HAUS6: variants seen among roughly 807,000 people sequenced by gnomAD.
The protein encoded by HAUS6 is HAUS augmin like complex subunit 6.
A neutral mutation model predicts 106.8 loss-of-function variants in HAUS6; 80 were observed. The observed-to-expected ratio is 0.75, with a 90% CI of 0.63 to 0.90. The LOEUF is 0.90. Ranked by LOEUF, HAUS6 falls within the 40% of genes least tolerant of loss-of-function variation. The pLI, the probability that HAUS6 is intolerant of heterozygous loss-of-function variation, is 0.00. For synonymous variants in HAUS6, 356 were observed against 379.1 expected (o/e 0.94, Z 0.71); for missense variants, 1,155 against 1,118.1 (o/e 1.03, Z -0.47).
rs202116273 is a variant in HAUS6 at position 19,094,323 on chromosome 9, C to T, written c.297G>A (p.Arg99=). Residue 99 remains arginine, a synonymous_variant, in exon 3 of 17, where the codon AGG becomes AGA. Coordinates refer to ENST00000380502, the MANE Select transcript of HAUS6 (RefSeq NM_017645.5). ...FRKHCCEWIK[R]ISGECGSSFP... is the part of the protein sequence containing the mutation. ...TAACAAAAAGAATACTTACAGAAAT[C>T]CTTTTTATCCATTCACAGCAATGTT... The T allele has an allele frequency of 5.7e-6, 9 of 1,573,514 alleles. No individual in the cohort carries two copies. The Admixed American group carries it at 8.6e-5, about 15-fold the overall frequency.
In HAUS6 at chr9:19,058,775, A is replaced by G. The variant is rs780313339; in HGVS notation, c.1992T>C (p.Cys664=). 3.7e-6 allele frequency: 6 copies of G among 1,614,116 alleles called. No individual in the cohort carries two copies. The Admixed American group carries it at 5.0e-5, about 13-fold the overall frequency. Reference sequence around the variant, plus strand: ...TGGTCAGCACATGTTTCTGAGGCACACACTCGCAATCTGAAATAACTTTCT... The same window carrying G: ...TGGTCAGCACATGTTTCTGAGGCACGCACTCGCAATCTGAAATAACTTTCT... ...TEEKVISDCE[C]VPQKHVLTSH... is the part of the protein sequence containing the mutation. Residue 664 remains cysteine, a synonymous_variant, in exon 16 of 17, where the codon TGT becomes TGC. Transcript: ENST00000380502.
intron 9 of HAUS6, among the ~76,000 whole-genome samples, chr9:19,078,847 A>T (rs10963940): frequency 0.014 from 688 of 48,784 alleles, 1 homozygote; most frequent in African/African-American, 0.1. Context: ...AATTAGTTTA[A>T]AAAAAAAAAA....
intron 1 of HAUS6, among the ~76,000 whole-genome samples, chr9:19,100,116 C>T (rs1328593399): frequency 6.6e-6 from 1 of 152,138 alleles, no homozygotes; most frequent in Non-Finnish European, 1.5e-5. Context: ...ATTGCTTGAA[C>T]CAGGGAGGCG....
intron 10 of HAUS6, 105 bp from the exon 11 acceptor site, chr9:19,076,809 CA>C (rs1289801761): frequency 1.6e-6 from 1 of 632,428 alleles, no homozygotes; most frequent in African/African-American, 1.9e-5. Context: ...ATAAGAAAGT[CA>C]GAATTACCAA....
In HAUS6 at chr9:19,101,244, G is replaced by C. The variant is rs548782405; in HGVS notation, c.128+1280C>G. Among the ~76,000 whole-genome samples, 89 of 152,262 alleles carry C rather than the reference G, an allele frequency of 5.8e-4. No homozygotes were observed. The Middle Eastern group carries it at 0.01, about 17-fold the overall frequency. ...CTATGAACATAAATAAAACAGGCCAGGCTCGGTGGCTCACATCTGTAATCC... is the reference window on the plus strand; with the variant it reads ...CTATGAACATAAATAAAACAGGCCACGCTCGGTGGCTCACATCTGTAATCC... On this transcript the variant is annotated intron_variant, in intron 1 of 16. Coordinates refer to ENST00000380502, the MANE Select transcript of HAUS6 (RefSeq NM_017645.5).
chr9:19,093,364 A>G, intron 3 of HAUS6, 61 bp from the exon 4 acceptor site: 11 of 1,388,538 alleles, frequency 7.9e-6, no homozygotes, highest in Non-Finnish European at 1.1e-5. Context: ...TTACATTTAC[A>G]TCACACTATT....
chr9:19,069,709 C>G (rs1453644022), intron 12 of HAUS6, among the ~76,000 whole-genome samples: 2 of 151,700 alleles, frequency 1.3e-5, no homozygotes, highest in South Asian at 2.1e-4. Flanking sequence ...CAAAAAAAAA[C>G]AAAAGGCAAA....
intron 12 of HAUS6, 96 bp from the exon 13 acceptor site, chr9:19,063,676 T>C (rs746607798): frequency 1.2e-6 from 1 of 867,318 alleles, no homozygotes; most frequent in East Asian, 2.4e-5. Flanking sequence ...CCCGTATCTG[T>C]CCGTTACGAT....
chr9:19,072,594 T>C (rs1836903212), intron 11 of HAUS6, among the ~76,000 whole-genome samples: 1 of 152,006 alleles, frequency 6.6e-6, no homozygotes, highest in Non-Finnish European at 1.5e-5. Flanking sequence ...AACGAGATTA[T>C]ATCATGGAAG....
intron 1 of HAUS6, among the ~76,000 whole-genome samples, chr9:19,097,013 A>C (rs1448957964): frequency 6.6e-6 from 1 of 152,176 alleles, no homozygotes; most frequent in Non-Finnish European, 1.5e-5. Flanking sequence ...TAATGAAAAC[A>C]CTCTACAGAA....
At position 19,058,640 on chromosome 9, in the gene HAUS6, G is replaced by T. The variant is rs1272626553; in HGVS notation, c.2127C>A (p.Ser709Arg). Residue 709 changes from serine (S) to arginine (R), a missense_variant, in exon 16 of 17, where the codon AGC becomes AGA. This residue lies in a region of HAUS6 where 380 missense variants were observed against 394.8 expected (regional missense o/e 0.96). Coordinates refer to ENST00000380502, the MANE Select transcript of HAUS6 (RefSeq NM_017645.5). ...CLAFTKLSET[S>R]RMETFSPAVG... is the part of the protein sequence containing the mutation. Reference sequence around the variant, plus strand: ...CAGCAGGGGAGAATGTCTCCATTCGGCTAGTTTCTGAAAGCTTGGTGAAGG... The same window carrying T: ...CAGCAGGGGAGAATGTCTCCATTCGTCTAGTTTCTGAAAGCTTGGTGAAGG... 6.2e-7 allele frequency: 1 copy of T among 1,607,048 alleles called. No individual in the cohort carries two copies. Among genetic ancestry groups the T allele is most frequent in the South Asian group, 1.1e-5 (1 of 90,940 alleles).
At chr9:19,088,738 C>A (rs1292293311) in intron 5 of HAUS6, among the ~76,000 whole-genome samples, 2 of 150,788 alleles carry the variant, frequency 1.3e-5, no homozygotes, top group East Asian at 2.0e-4. Context: ...ATGAGCCAGG[C>A]GTGGTGGCAG....
Position 19,058,868 on chromosome 9 carries a change from T to A in HAUS6, c.1899A>T (p.Glu633Asp). The part of the protein sequence containing the change: ...ESLPVLHNQR[E>D]FSMADFLLET... The stretch of plus-strand genomic sequence containing the variant: ...CTAAGAGAAAATCAGCCATGCTAAA[T>A]TCTCTTTGATTGTGCAACACAGGTA... Residue 633 changes from glutamate to aspartate, a missense_variant, in exon 16 of 17, where the codon GAA becomes GAT. Physicochemically the swap from Glu to Asp is conservative, Grantham distance 45. Around this residue, in one of 3 missense-constraint regions of HAUS6, gnomAD observed 380 missense variants for 394.8 expected, o/e 0.96. Coordinates refer to ENST00000380502, the MANE Select transcript of HAUS6 (RefSeq NM_017645.5). 6.2e-7 allele frequency: 1 copy of A among 1,613,798 alleles called. No individual in the cohort carries two copies. The highest frequency in any genetic ancestry group is 8.5e-7 in the Non-Finnish European group (1 of 1,179,662).
At chr9:19,076,010 G>A (rs1475235181) in intron 11 of HAUS6, among the ~76,000 whole-genome samples, 1 of 151,214 alleles carries the variant, frequency 6.6e-6, no homozygotes, top group African/African-American at 2.4e-5. Context: ...CCAGGGACTA[G>A]CGGGGAAAAT....
At chr9:19,095,852 A>G (rs1010383497) in intron 2 of HAUS6, among the ~76,000 whole-genome samples, 6 of 152,186 alleles carry the variant, frequency 3.9e-5, no homozygotes, top group African/African-American at 1.4e-4. Flanking sequence ...AATATTCAAT[A>G]GCATATAACA....
At chr9:19,067,818 A>T (rs1836795204) in intron 12 of HAUS6, among the ~76,000 whole-genome samples, 1 of 151,968 alleles carries the variant, frequency 6.6e-6, no homozygotes, top group African/African-American at 2.4e-5. Context: ...CCTCCCAAGT[A>T]AGTAGTTGGG....
rs201374475 is a variant in HAUS6, at chr9:19,058,613, G to A, written c.2154C>T (p.Val718=). 1.0e-3 allele frequency: 1,684 copies of A among 1,604,914 alleles called. 8 individuals carry two copies. The Middle Eastern group carries it at 0.011, about 11-fold the overall frequency. ...CACCCATCACATCTATCCTATTGCC[G>A]ACAGCAGGGGAGAATGTCTCCATTC... ...TSRMETFSPA[V]GNRIDVMGGS... The change falls in exon 16 of 17, where the codon GTC becomes GTT. Residue 718 remains valine (V), a synonymous_variant. Coordinates refer to ENST00000380502, the MANE Select transcript of HAUS6 (RefSeq NM_017645.5).
intron 7 of HAUS6, among the ~76,000 whole-genome samples, 188 bp from the exon 8 acceptor site, chr9:19,083,231 G>T (rs906824766): frequency 6.6e-6 from 1 of 151,944 alleles, no homozygotes; most frequent in African/African-American, 2.4e-5. Flanking sequence ...TTAAAAAAAT[G>T]TATCAGGAGA....
chr9:19,063,696 T>A (rs921328502), intron 12 of HAUS6, 116 bp from the exon 13 acceptor site: 1 of 807,960 alleles, frequency 1.2e-6, no homozygotes, highest in African/African-American at 1.7e-5. Context: ...TTTCACTCAA[T>A]TCGTCCCGGT....
Sources: allele counts gnomAD v4.1 joint callset (sites outside exome capture counted in the v4.1 genomes callset), GRCh38; gene constraint gnomAD v4.1.1; regional missense constraint gnomAD v4.1.1; transcripts MANE v1.5; gene names NCBI Gene and HGNC (gene_info 2026-07-23, HGNC 2026-07-21).